ACOT12: variants seen among roughly 807,000 people sequenced by gnomAD.
ACOT12 encodes acyl-CoA thioesterase 12.
In ACOT12, 51 loss-of-function variants were observed where a neutral mutation model predicts 67.7. The ratio of observed to expected loss-of-function variants is 0.75; its 90% CI spans 0.60 to 0.95. The LOEUF is 0.95. Ranked by LOEUF, ACOT12 falls within the 40% of genes least tolerant of loss-of-function variation. The pLI is 0.00. For missense variants in ACOT12, 734 were observed against 708.1 expected, an observed-to-expected ratio of 1.04 and a Z score of -0.41; for synonymous variants, 251 against 244.6, an observed-to-expected ratio of 1.03 and a Z score of -0.24.
chr5:81,330,694 G>A (rs989536908), intron 14 of ACOT12, 120 bp downstream of exon 14: 29 of 1,512,216 alleles, frequency 1.9e-5, no homozygotes, highest in Non-Finnish European at 2.4e-5. Flanking sequence ...ATGACCTTAG[G>A]ATTCCCATAG....
chr5:81,348,607 C>T (rs994052202), intron 5 of ACOT12, among the ~76,000 whole-genome samples: 1 of 152,164 alleles, frequency 6.6e-6, no homozygotes, highest in Admixed American at 6.5e-5. Flanking sequence ...CTCTGTCATC[C>T]AGGCTGGAGT....
At chr5:81,313,930 A>G in the ACOT12 span, among the ~76,000 whole-genome samples, 1 of 152,164 alleles carries the variant, frequency 6.6e-6, no homozygotes, top group Admixed American at 6.6e-5. Context: ...TTGGAAAAGG[A>G]CAGTAATGCT....
the ACOT12 span, among the ~76,000 whole-genome samples, chr5:81,323,643 T>G: frequency 2.0e-5 from 3 of 152,036 alleles, no homozygotes; most frequent in African/African-American, 7.2e-5. Context: ...AATCATCTAA[T>G]GTACCACGCA....
intron 4 of ACOT12, 83 bp downstream of exon 4, chr5:81,363,705 C>T (rs1023568008): frequency 1.5e-5 from 15 of 990,214 alleles, no homozygotes; most frequent in Non-Finnish European, 1.9e-5. Flanking sequence ...GAAGAAGTGT[C>T]ATTTTTTTCT....
At chr5:81,372,875 A>G (rs561576070) in intron 2 of ACOT12, among the ~76,000 whole-genome samples, 1 of 152,332 alleles carries the variant, frequency 6.6e-6, no homozygotes, top group Admixed American at 6.5e-5. Flanking sequence ...AAGGAGACCA[A>G]TCTTTCCTTG....
At chr5:81,385,926 C>G (rs1202480695) in intron 1 of ACOT12, 100 bp from the exon 2 acceptor site, 2 of 1,093,796 alleles carry the variant, frequency 1.8e-6, no homozygotes, top group East Asian at 5.1e-5. Context: ...TTTTAGTCAC[C>G]CATCCCTCAT....
chr5:81,352,895 T>C (rs1242554231), intron 5 of ACOT12, among the ~76,000 whole-genome samples: 2 of 152,188 alleles, frequency 1.3e-5, no homozygotes, highest in Admixed American at 6.5e-5. Context: ...GTGTGTGTGA[T>C]AGTGACGGTC....
rs370098136 is a variant in ACOT12 at position 81,358,655 on chromosome 5, G to A, written c.496+1248C>T. Among the ~76,000 whole-genome samples, 27 of 152,296 alleles carry A rather than the reference G, an allele frequency of 1.8e-4. No homozygotes were observed. In the East Asian group the frequency reaches 5.0e-3, roughly 28 times the overall value. On this transcript the variant is annotated intron_variant, in intron 5 of 14. Transcript: ENST00000307624. The stretch of plus-strand genomic sequence containing the variant: ...ACCTGAGGTTGGGAGTTCGAGACCA[G>A]CCTGGCCAACATGGTGAAACCCCAT...
At position 81,347,836 on chromosome 5, in the gene ACOT12, G is replaced by C. The variant is rs149420016; in HGVS notation, c.591C>G (p.His197Gln). ...TAATCTGGCCACCAAATGTATTTCC[G>C]TGATGGTTTGCATGGGGTGGGAGGA... ...ELVLPPHANH[H>Q]GNTFGGQIMA... The change falls in exon 6 of 15, where the codon CAC (histidine) becomes CAG (glutamine). Residue 197 changes from histidine (H) to glutamine (Q), a missense_variant. By Grantham distance (24) the His-to-Gln change is conservative. Transcript: ENST00000307624. The C allele has an allele frequency of 3.1e-6, 5 of 1,614,024 alleles. No individual in the cohort carries two copies. Among genetic ancestry groups the C allele is most frequent in the Middle Eastern group, 1.6e-4 (1 of 6,084 alleles).
chr5:81,375,368 T>C (rs1282266789), intron 2 of ACOT12, among the ~76,000 whole-genome samples: 1 of 152,052 alleles, frequency 6.6e-6, no homozygotes. Flanking sequence ...GAACAACCGG[T>C]ACCAGCCACT....
chr5:81,379,062 A>T (rs915710604), intron 2 of ACOT12, among the ~76,000 whole-genome samples: 2 of 152,176 alleles, frequency 1.3e-5, no homozygotes, highest in Non-Finnish European at 2.9e-5. Context: ...TCACAATAGC[A>T]AAGACTTGGA....
At chr5:81,366,272 A>T (rs1310145379) in intron 3 of ACOT12, among the ~76,000 whole-genome samples, 1 of 152,238 alleles carries the variant, frequency 6.6e-6, no homozygotes, top group Non-Finnish European at 1.5e-5. Context: ...ATATAACAAA[A>T]GCCAGCACTA....
At chr5:81,319,267 C>G in the ACOT12 span, among the ~76,000 whole-genome samples, 5 of 152,346 alleles carry the variant, frequency 3.3e-5, no homozygotes, top group Admixed American at 6.5e-5. Flanking sequence ...TGTTGGAAAG[C>G]TGTTGTGGTT....
intron 7 of ACOT12, among the ~76,000 whole-genome samples, chr5:81,345,466 T>C (rs1759351458): frequency 6.6e-6 from 1 of 151,990 alleles, no homozygotes; most frequent in South Asian, 2.1e-4. Context: ...AAAAAGAAAA[T>C]AATACTAAAT....
intron 5 of ACOT12, among the ~76,000 whole-genome samples, chr5:81,350,401 A>G (rs142655968): frequency 5.1e-4 from 78 of 152,290 alleles, no homozygotes; most frequent in African/African-American, 1.9e-3. Flanking sequence ...CTTAAAACAT[A>G]TTAAGCCTCT....
At chr5:81,339,331 G>A (rs1005604563) in intron 11 of ACOT12, among the ~76,000 whole-genome samples, 3 of 152,192 alleles carry the variant, frequency 2.0e-5, no homozygotes, top group African/African-American at 7.2e-5. Context: ...CCTCTGGTCT[G>A]TTTCCTATAC....
chr5:81,361,250 T>TC (rs1759899783), intron 4 of ACOT12, among the ~76,000 whole-genome samples: 1 of 151,824 alleles, frequency 6.6e-6, no homozygotes, highest in Non-Finnish European at 1.5e-5. Context: ...TCTCACTCTG[T>TC]TGCCCAGGCT....
At chr5:81,344,406 G>T (rs565779307) in intron 8 of ACOT12, among the ~76,000 whole-genome samples, 191 bp from the exon 9 acceptor site, 5 of 152,140 alleles carry the variant, frequency 3.3e-5, no homozygotes, top group Non-Finnish European at 7.3e-5. Context: ...CACTGACAAA[G>T]GTGCAATCTT....
intron 13 of ACOT12, among the ~76,000 whole-genome samples, chr5:81,331,516 A>G (rs2153841930): frequency 6.6e-6 from 1 of 152,352 alleles, no homozygotes; most frequent in Non-Finnish European, 1.5e-5. Flanking sequence ...CAGCCTGGGC[A>G]ACACATCATC....
Sources: gnomAD v4.1 joint callset for allele counts (sites outside exome capture counted in the v4.1 genomes callset) on GRCh38, gnomAD v4.1.1 for gene constraint, MANE v1.5 for transcripts, NCBI Gene and HGNC (gene_info 2026-07-23, HGNC 2026-07-21) for gene names.